The following NCOA1 variants were observed in gnomAD, a reference collection of about 807,000 sequenced individuals.
NCOA1 encodes Hin-2 protein.
A neutral mutation model predicts 150.9 loss-of-function variants in NCOA1; 35 were observed. The ratio of observed to expected loss-of-function variants is 0.23; its 90% CI spans 0.18 to 0.31. The LOEUF (loss-of-function observed/expected upper bound fraction) is 0.31. NCOA1 is among the 10% of genes least tolerant of loss of function. The pLI, the probability that NCOA1 is intolerant of heterozygous loss-of-function variation, is 1.00. For synonymous variants in NCOA1, 590 were observed against 630.0 expected (o/e 0.94, Z 0.95); for missense variants, 1,491 against 1,749.3 (o/e 0.85, Z 2.63).
intron 3 of NCOA1, among the ~76,000 whole-genome samples, chr2:24,602,513 T>TA (rs1668170232): frequency 6.6e-6 from 1 of 152,156 alleles, no homozygotes; most frequent in Non-Finnish European, 1.5e-5. Flanking sequence ...AGTAAGGTTT[T>TA]AAAAAATACA....
rs151132393 is a variant in NCOA1, at chr2:24,642,482, T to G, written c.-174-1484T>G. On this transcript the variant is annotated intron_variant, in intron 3 of 22. Transcript: ENST00000348332. Reference sequence around the variant, plus strand: ...ACATTTTCTACCTTCTTTGCATGTTTAGTAATTTTTTATTGTGTACTGGAT... The same window carrying G: ...ACATTTTCTACCTTCTTTGCATGTTGAGTAATTTTTTATTGTGTACTGGAT... Among the ~76,000 whole-genome samples the G allele has an allele frequency of 8.2e-3, 1,251 of 152,204 alleles. 21 individuals are homozygous for G. Among genetic ancestry groups the G allele is most frequent in the African/African-American group, 0.028 (1,174 of 41,522 alleles).
chr2:24,704,912 C>A (rs1410499766), intron 11 of NCOA1, among the ~76,000 whole-genome samples, 174 bp from the exon 12 acceptor site: 7 of 152,146 alleles, frequency 4.6e-5, no homozygotes, highest in African/African-American at 1.7e-4. Flanking sequence ...CAACTGGAAT[C>A]ATCTTCCCCC....
intron 4 of NCOA1, among the ~76,000 whole-genome samples, chr2:24,645,955 A>T (rs943929682): frequency 5.3e-5 from 8 of 152,190 alleles, no homozygotes; most frequent in Admixed American, 5.2e-4. Context: ...TCTCTTTAAG[A>T]GTTTTCAGGA....
At chr2:24,661,075 A>C (rs1243146792) in intron 5 of NCOA1, among the ~76,000 whole-genome samples, 2 of 151,910 alleles carry the variant, frequency 1.3e-5, no homozygotes, top group East Asian at 3.9e-4. Flanking sequence ...AAAAAAAAAG[A>C]GTTTCTTTAA....
At chr2:24,751,899 G>A in intron 19 of NCOA1, 83 bp from the exon 20 acceptor site, 1 of 1,255,032 alleles carries the variant, frequency 8.0e-7, no homozygotes, top group Non-Finnish European at 1.1e-6. Context: ...AATATATTGT[G>A]ACAGATCCTT....
chr2:24,709,406 G>A (rs1296910324), intron 13 of NCOA1, among the ~76,000 whole-genome samples: 1 of 152,088 alleles, frequency 6.6e-6, no homozygotes, highest in African/African-American at 2.4e-5. Flanking sequence ...CTATTCTGAG[G>A]TGTGTGTTCT....
At chr2:24,733,814 G>A (rs902113099) in intron 17 of NCOA1, among the ~76,000 whole-genome samples, 2 of 152,112 alleles carry the variant, frequency 1.3e-5, no homozygotes, top group Non-Finnish European at 2.9e-5. Context: ...AACAAATAGA[G>A]TAGTTCAGCA....
intron 7 of NCOA1, among the ~76,000 whole-genome samples, chr2:24,674,302 T>C (rs1043099104): frequency 2.0e-5 from 3 of 151,486 alleles, no homozygotes; most frequent in Admixed American, 6.6e-5. Context: ...GCCTCCCCGG[T>C]TCATGACATT....
At chr2:24,588,121 G>C (rs1160545769) in intron 3 of NCOA1, among the ~76,000 whole-genome samples, 2 of 151,798 alleles carry the variant, frequency 1.3e-5, no homozygotes, top group African/African-American at 4.8e-5. Context: ...ATCTCATTCT[G>C]TCACCCAGAC....
In NCOA1 at chr2:24,710,940, G is replaced by A. The variant is rs200996024; in HGVS notation, c.2428G>A (p.Asp810Asn). 79 of 1,613,652 alleles carry A rather than the reference G, an allele frequency of 4.9e-5. No individual in the cohort carries two copies. In the Admixed American group the frequency reaches 1.1e-3, roughly 23 times the overall value. The change falls in exon 14 of 23, where the codon GAC (aspartate) becomes AAC (asparagine). Residue 810 changes from aspartate to asparagine, a missense_variant. Physicochemically the swap from Asp to Asn is conservative, Grantham distance 23. This residue lies in a region of NCOA1 where 703 missense variants were observed against 717.7 expected (regional missense o/e 0.98). Coordinates refer to ENST00000348332, the MANE Select transcript of NCOA1 (RefSeq NM_003743.5). Reference sequence around the variant, plus strand: ...TGGTTTCCATTCTTAGTTTACAGCTGACCTTGACCAGTTTGATCAGTTACT... The same window carrying A: ...TGGTTTCCATTCTTAGTTTACAGCTAACCTTGACCAGTTTGATCAGTTACT... ...KLEAQSQFTA[D>N]LDQFDQLLPT...
intron 3 of NCOA1, among the ~76,000 whole-genome samples, chr2:24,643,673 C>A (rs1670335284): frequency 6.6e-6 from 1 of 151,800 alleles, no homozygotes; most frequent in African/African-American, 2.4e-5. Flanking sequence ...CAAATGCAGC[C>A]AGAAACAACT....
At chr2:24,512,817 T>A (rs1663991260) in intron 1 of NCOA1, among the ~76,000 whole-genome samples, 1 of 152,230 alleles carries the variant, frequency 6.6e-6, no homozygotes. Context: ...GCTTTGCACC[T>A]ATAGATCTGG....
At chr2:24,541,653 T>C (rs1415426841) in intron 1 of NCOA1, among the ~76,000 whole-genome samples, 1 of 152,150 alleles carries the variant, frequency 6.6e-6, no homozygotes. Flanking sequence ...AAAAAGATTT[T>C]TTGACATAAA....
At chr2:24,578,046 C>T (rs1667059973) in intron 2 of NCOA1, among the ~76,000 whole-genome samples, 1 of 152,118 alleles carries the variant, frequency 6.6e-6, no homozygotes, top group African/African-American at 2.4e-5. Flanking sequence ...CAGTGACATA[C>T]CTCACAACGT....
At chr2:24,574,939 C>T (rs1044157931) in intron 2 of NCOA1, among the ~76,000 whole-genome samples, 5 of 152,082 alleles carry the variant, frequency 3.3e-5, no homozygotes, top group African/African-American at 9.7e-5. Context: ...TGGTTTTCAA[C>T]AATTTGATTA....
intron 2 of NCOA1, among the ~76,000 whole-genome samples, chr2:24,581,928 A>C (rs1214973423): frequency 6.6e-6 from 1 of 152,234 alleles, no homozygotes; most frequent in Non-Finnish European, 1.5e-5. Flanking sequence ...AAATCTCTCA[A>C]CAAATTAGAC....
intron 3 of NCOA1, among the ~76,000 whole-genome samples, chr2:24,639,932 A>ATGTG (rs1389558243): frequency 2.2e-4 from 5 of 23,216 alleles, no homozygotes; most frequent in African/African-American, 7.0e-4. Context: ...ATATATATAT[A>ATGTG]TATATATATA....
intron 2 of NCOA1, among the ~76,000 whole-genome samples, chr2:24,578,281 C>A (rs192174002): frequency 6.8e-4 from 104 of 152,076 alleles, no homozygotes; most frequent in African/African-American, 2.3e-3. Flanking sequence ...TCATGTAGAG[C>A]CTTTTCATAT....
chr2:24,631,304 G>A (rs180691466), intron 3 of NCOA1, among the ~76,000 whole-genome samples: 1 of 152,192 alleles, frequency 6.6e-6, no homozygotes, highest in East Asian at 1.9e-4. Context: ...CAGAACACTG[G>A]GAATTTTGAC....
Sources: allele counts gnomAD v4.1 joint callset (sites outside exome capture counted in the v4.1 genomes callset), GRCh38; gene constraint gnomAD v4.1.1; regional missense constraint gnomAD v4.1.1; transcripts MANE v1.5; gene names NCBI Gene and HGNC (gene_info 2026-07-23, HGNC 2026-07-21).